The following ZNRF1 variants were observed in gnomAD, a reference collection of about 807,000 sequenced individuals.
ZNRF1 encodes E3 ubiquitin-protein ligase ZNRF1.
In ZNRF1, 3 loss-of-function variants were observed where a neutral mutation model predicts 18.4. The observed-to-expected ratio is 0.16, with a 90% CI of 0.07 to 0.42. The LOEUF is 0.42. ZNRF1 is among the 10% of genes least tolerant of loss of function. The pLI, the probability that ZNRF1 is intolerant of heterozygous loss-of-function variation, is 0.99. For synonymous variants in ZNRF1, 157 were observed against 144.2 expected (o/e 1.09, Z -0.64); for missense variants, 310 against 329.8 (o/e 0.94, Z 0.47).
At chr16:75,080,007 C>G (rs1342162879) in intron 1 of ZNRF1, among the ~76,000 whole-genome samples, 2 of 152,242 alleles carry the variant, frequency 1.3e-5, no homozygotes, top group South Asian at 4.1e-4. Flanking sequence ...CCTCCACCTC[C>G]CGGGTTCAAG....
intron 1 of ZNRF1, among the ~76,000 whole-genome samples, chr16:75,006,222 G>A (rs934563349): frequency 6.6e-6 from 1 of 152,102 alleles, no homozygotes; most frequent in Non-Finnish European, 1.5e-5. Flanking sequence ...GGGTACTGCT[G>A]TATACCCAAT....
intron 1 of ZNRF1, among the ~76,000 whole-genome samples, chr16:75,044,876 C>G (rs1258627827): frequency 1.3e-5 from 2 of 152,180 alleles, no homozygotes; most frequent in Non-Finnish European, 2.9e-5. Flanking sequence ...ATATAATTCC[C>G]TAAGGAGAGC....
chr16:75,086,490 C>T (rs1260322197), intron 1 of ZNRF1, among the ~76,000 whole-genome samples: 1 of 152,196 alleles, frequency 6.6e-6, no homozygotes, highest in Non-Finnish European at 1.5e-5. Flanking sequence ...ACTCACACCT[C>T]AGCAACTGAT....
intron 1 of ZNRF1, among the ~76,000 whole-genome samples, chr16:75,061,693 T>G (rs1485340360): frequency 6.6e-6 from 1 of 152,224 alleles, no homozygotes. Flanking sequence ...CATGTGTGTG[T>G]GATGGCAAAG....
At chr16:75,001,324 G>A (rs2034846363) in intron 1 of ZNRF1, among the ~76,000 whole-genome samples, 1 of 151,884 alleles carries the variant, frequency 6.6e-6, no homozygotes, top group African/African-American at 2.4e-5. Context: ...TTGGTTTTTT[G>A]TCAATTCTGT....
At position 75,040,598 on chromosome 16, in the gene ZNRF1, G is replaced by GTTTTTTTTTTTTTTTTTTTTTTTTTTT. The variant is rs61513153; in HGVS notation, c.424+40528_424+40529insTTTTTTTTTTTTTTTTTTTTTTTTTTT. Among the ~76,000 whole-genome samples the GTTTTTTTTTTTTTTTTTTTTTTTTTTT allele has an allele frequency of 8.6e-5, 4 of 46,356 alleles. 1 individual carries two copies. The highest frequency in any genetic ancestry group is 1.5e-4 in the Non-Finnish European group (4 of 26,158). The allele number at this position is 46,356 out of a possible 152,430, so 30.4% of individuals were successfully genotyped here. ...ATGTTTTTGTTTTTGTTTTTTGTGG[G>GTTTTTTTTTTTTTTTTTTTTTTTTTTT]TTTTTTTTTTTTTTTTTTTTTTTTT... is the stretch of plus-strand genomic sequence containing the variant. On this transcript the variant is annotated intron_variant, in intron 1 of 4. Transcript: ENST00000335325.
chr16:75,088,905 G>A (rs925848665), intron 1 of ZNRF1, among the ~76,000 whole-genome samples: 2 of 152,170 alleles, frequency 1.3e-5, no homozygotes, highest in Admixed American at 1.3e-4. Flanking sequence ...TTGGCAGTAT[G>A]GAAAGTGCCA....
chr16:75,036,312 G>A (rs1322132231), intron 1 of ZNRF1, among the ~76,000 whole-genome samples: 1 of 152,058 alleles, frequency 6.6e-6, no homozygotes, highest in African/African-American at 2.4e-5. Context: ...GTATTTTTTA[G>A]TAGAGATGGG....
At chr16:75,055,938 A>G (rs1162501213) in intron 1 of ZNRF1, among the ~76,000 whole-genome samples, 1 of 152,206 alleles carries the variant, frequency 6.6e-6, no homozygotes, top group Non-Finnish European at 1.5e-5. Context: ...TCCTCGATAA[A>G]GACATTTGCC....
chr16:75,015,307 A>G (rs1398993858), intron 1 of ZNRF1, among the ~76,000 whole-genome samples: 1 of 152,216 alleles, frequency 6.6e-6, no homozygotes, highest in African/African-American at 2.4e-5. Flanking sequence ...ATTAAAAAAA[A>G]GGTTTATTGG....
At position 75,000,053 on chromosome 16, in the gene ZNRF1, C is replaced by G; in HGVS notation, c.382C>G (p.Leu128Val). Residue 128 changes from leucine (L) to valine (V), a missense_variant, in exon 1 of 5, where the codon CTA becomes GTA. By Grantham distance (32) the Leu-to-Val change is conservative (BLOSUM62 1). This residue lies in a region of ZNRF1 where 293 missense variants were observed against 291.2 expected (regional missense o/e 1.01). Transcript: ENST00000335325. The stretch of plus-strand genomic sequence containing the variant: ...CTCCCGAGCCTCGCTGGCGGATGCT[C>G]TACCTCTGCACATCGCACCCAGGTG... Reference protein sequence around the residue: ...LGSRASLADALPLHIAPRWFS... With the variant: ...LGSRASLADAVPLHIAPRWFS... 1 of 1,601,498 alleles carries G rather than the reference C, an allele frequency of 6.2e-7. No individual in the cohort carries two copies. The highest frequency in any genetic ancestry group is 8.5e-7 in the Non-Finnish European group (1 of 1,175,330).
In ZNRF1 at chr16:74,999,961, A is replaced by G. The variant is rs1240412674; in HGVS notation, c.290A>G (p.Tyr97Cys). The G allele has an allele frequency of 5.1e-6, 8 of 1,579,884 alleles. No homozygotes were observed. The highest frequency in any genetic ancestry group is 1.3e-5 in the African/African-American group (1 of 74,270). Residue 97 changes from tyrosine to cysteine, a missense_variant, in exon 1 of 5, where the codon TAT becomes TGT. Physicochemically the swap from Tyr to Cys is radical, Grantham distance 194. Around this residue, in one of 2 missense-constraint regions of ZNRF1, gnomAD observed 293 missense variants for 291.2 expected, o/e 1.01. Coordinates refer to ENST00000335325, the MANE Select transcript of ZNRF1 (RefSeq NM_032268.5). The part of the protein sequence containing the change: ...GGGGSASDST[Y>C]AHGNGYQETG... ...GGAGGGTCTGCGTCCGACTCCACCT[A>G]TGCCCATGGCAATGGTTACCAGGAG...
chr16:75,099,197 G>C (rs1256673431), intron 2 of ZNRF1, among the ~76,000 whole-genome samples: 2 of 152,218 alleles, frequency 1.3e-5, no homozygotes, highest in East Asian at 3.8e-4. Context: ...AGCTGCATGA[G>C]CTTATCCGAA....
intron 1 of ZNRF1, among the ~76,000 whole-genome samples, chr16:75,046,319 T>C (rs1416360895): frequency 6.6e-6 from 1 of 152,024 alleles, no homozygotes; most frequent in East Asian, 1.9e-4. Context: ...TGGCACGATC[T>C]CAGCTCACTG....
chr16:75,048,903 T>C (rs2035552114), intron 1 of ZNRF1, among the ~76,000 whole-genome samples: 3 of 152,244 alleles, frequency 2.0e-5, no homozygotes, highest in African/African-American at 7.2e-5. Context: ...AAAATTTTAA[T>C]GACTATCCTT....
intron 1 of ZNRF1, among the ~76,000 whole-genome samples, chr16:75,061,960 G>C (rs1174921825): frequency 6.6e-6 from 1 of 152,228 alleles, no homozygotes; most frequent in Non-Finnish European, 1.5e-5. Flanking sequence ...GACAGTAGAA[G>C]ATGGTGGTTT....
At chr16:75,084,461 C>T (rs2036051890) in intron 1 of ZNRF1, 1 of 152,006 alleles carries the variant, frequency 6.6e-6, no homozygotes, top group Admixed American at 6.6e-5. Flanking sequence ...CTTTCAGAAG[C>T]CAAAGGAACA....
intron 1 of ZNRF1, among the ~76,000 whole-genome samples, chr16:75,061,957 G>A (rs2035749803): frequency 1.3e-5 from 2 of 152,224 alleles, no homozygotes; most frequent in African/African-American, 4.8e-5. Flanking sequence ...CGAGACAGTA[G>A]AAGATGGTGG....
intron 1 of ZNRF1, among the ~76,000 whole-genome samples, chr16:75,016,745 A>G (rs1464686072): frequency 2.5e-5 from 3 of 119,834 alleles, no homozygotes; most frequent in African/African-American, 1.0e-4. Context: ...GGGTTTCACC[A>G]TGTTGGTCAG....
Sources: allele counts gnomAD v4.1 joint callset (sites outside exome capture counted in the v4.1 genomes callset), GRCh38; gene constraint gnomAD v4.1.1; regional missense constraint gnomAD v4.1.1; transcripts MANE v1.5; gene names NCBI Gene and HGNC (gene_info 2026-07-23, HGNC 2026-07-21).